CCSER1: variants seen among roughly 807,000 people sequenced by gnomAD.
CCSER1 encodes the protein coiled-coil serine rich protein 1.
In CCSER1, 41 loss-of-function variants were observed where a neutral mutation model predicts 82.0. That is an observed-to-expected ratio of 0.50 (90% CI 0.39 to 0.65). CCSER1 has a LOEUF of 0.65. Ranked by LOEUF, CCSER1 falls within the 30% of genes least tolerant of loss-of-function variation. The probability of loss-of-function intolerance (pLI) is 0.00; values close to 1 mark genes in which losing one functional copy is unlikely to be tolerated. For missense variants in CCSER1, 1,119 were observed against 1,064.2 expected (o/e 1.05, Z -0.72); for synonymous variants, 414 against 383.9 (o/e 1.08, Z -0.92).
chr4:91,194,241 G>A (rs1258906056), intron 10 of CCSER1, among the ~76,000 whole-genome samples: 1 of 152,084 alleles, frequency 6.6e-6, no homozygotes, highest in Non-Finnish European at 1.5e-5. Context: ...GAGTGCATGA[G>A]CCACTGCACC....
At chr4:90,228,177 C>G (rs1560833590) in intron 1 of CCSER1, among the ~76,000 whole-genome samples, 1 of 152,012 alleles carries the variant, frequency 6.6e-6, no homozygotes, top group East Asian at 1.9e-4. Flanking sequence ...GCAGGGCACA[C>G]ACAAACAAAA....
At chr4:90,997,389 C>A in intron 9 of CCSER1, among the ~76,000 whole-genome samples, 1 of 152,136 alleles carries the variant, frequency 6.6e-6, no homozygotes, top group East Asian at 1.9e-4. Flanking sequence ...TATAAGTATT[C>A]TTGTGAACAC....
intron 10 of CCSER1, among the ~76,000 whole-genome samples, chr4:91,159,390 T>C: frequency 6.6e-6 from 1 of 151,988 alleles, no homozygotes; most frequent in East Asian, 1.9e-4. Flanking sequence ...TCCTATATTC[T>C]TGTCATAGTG....
intron 9 of CCSER1, among the ~76,000 whole-genome samples, chr4:90,990,935 C>T (rs1263561592): frequency 6.6e-6 from 1 of 151,914 alleles, no homozygotes; most frequent in Non-Finnish European, 1.5e-5. Context: ...AACTACCTAT[C>T]CTCTAATTCA....
At chr4:90,879,280 T>C (rs1720837599) in intron 8 of CCSER1, among the ~76,000 whole-genome samples, 1 of 152,162 alleles carries the variant, frequency 6.6e-6, no homozygotes, top group Non-Finnish European at 1.5e-5. Context: ...GGTTCCTTTT[T>C]ATACTGGCTA....
At chr4:91,029,011 A>G (rs1413233883) in intron 9 of CCSER1, among the ~76,000 whole-genome samples, 2 of 152,072 alleles carry the variant, frequency 1.3e-5, no homozygotes, top group Non-Finnish European at 2.9e-5. Context: ...CAGTAATTCC[A>G]CCATTAATTT....
chr4:90,233,807 G>A (rs1016317652), intron 1 of CCSER1, among the ~76,000 whole-genome samples: 1 of 150,644 alleles, frequency 6.6e-6, no homozygotes, highest in African/African-American at 2.4e-5. Flanking sequence ...TTTTTATTTT[G>A]TTCTATTAAT....
chr4:90,775,255 G>C (rs1752746283), intron 7 of CCSER1, among the ~76,000 whole-genome samples: 1 of 152,134 alleles, frequency 6.6e-6, no homozygotes, highest in Non-Finnish European at 1.5e-5. Flanking sequence ...GAGGGCTGGA[G>C]TATCTTCTTA....
intron 7 of CCSER1, among the ~76,000 whole-genome samples, chr4:90,729,875 C>CA (rs1308233603): frequency 6.6e-6 from 1 of 151,800 alleles, no homozygotes; most frequent in Non-Finnish European, 1.5e-5. Flanking sequence ...GACTCCATCT[C>CA]AAAAAATAAA....
chr4:91,016,716 T>C (rs563749491), intron 9 of CCSER1, among the ~76,000 whole-genome samples: 78 of 152,272 alleles, frequency 5.1e-4, no homozygotes, highest in Middle Eastern at 3.4e-3. Context: ...ACATAAAATG[T>C]ACTGTCCTAT....
intron 6 of CCSER1, among the ~76,000 whole-genome samples, chr4:90,637,015 A>G (rs1485826729): frequency 6.6e-6 from 1 of 152,212 alleles, no homozygotes; most frequent in Non-Finnish European, 1.5e-5. Context: ...AAAATTATAT[A>G]TTGCTGTGTA....
At chr4:90,458,644 C>T (rs1762490219) in intron 4 of CCSER1, among the ~76,000 whole-genome samples, 2 of 152,318 alleles carry the variant, frequency 1.3e-5, no homozygotes, top group South Asian at 4.1e-4. Flanking sequence ...CGTGAGCCAC[C>T]ATGCCTGGCC....
rs72876104 is a variant in CCSER1 at position 90,149,040 on chromosome 4, C to T, written c.-42+21209C>T. On this transcript the variant is annotated intron_variant, in intron 1 of 10. Coordinates refer to ENST00000509176, the MANE Select transcript of CCSER1 (RefSeq NM_001145065.2). ...CAGTGTTTCTTATGACATCTATTTCCGAAATCCCATGATGTTTGTAATTGC... is the reference window on the plus strand; with the variant it reads ...CAGTGTTTCTTATGACATCTATTTCTGAAATCCCATGATGTTTGTAATTGC... 8.1e-3 allele frequency among the ~76,000 whole-genome samples: 1,230 copies of T among 152,198 alleles called. 20 individuals carry two copies. Among genetic ancestry groups the T allele is most frequent in the African/African-American group, 0.028 (1,159 of 41,550 alleles).
chr4:90,974,682 G>A (rs1735445582), intron 9 of CCSER1, among the ~76,000 whole-genome samples: 1 of 151,374 alleles, frequency 6.6e-6, no homozygotes, highest in African/African-American at 2.4e-5. Flanking sequence ...ATAACCATAG[G>A]ATAGTTAAAA....
chr4:91,277,486 GTC>G (rs150034258), intron 10 of CCSER1, among the ~76,000 whole-genome samples: 9,654 of 139,844 alleles, frequency 0.069, 359 homozygotes, highest in East Asian at 0.12. Flanking sequence ...GTCCATAATA[GTC>G]TCTGATTATT....
At chr4:90,606,808 T>G (rs890755493) in intron 5 of CCSER1, among the ~76,000 whole-genome samples, 1 of 152,224 alleles carries the variant, frequency 6.6e-6, no homozygotes, top group African/African-American at 2.4e-5. Context: ...CATCCCAAAC[T>G]ATGAGGGTTT....
chr4:91,334,091 AT>A (rs1008249990), intron 10 of CCSER1, among the ~76,000 whole-genome samples: 2 of 152,146 alleles, frequency 1.3e-5, no homozygotes, highest in Admixed American at 1.3e-4. Context: ...ATTCAGTGTT[AT>A]TTCAAAACAT....
intron 5 of CCSER1, among the ~76,000 whole-genome samples, chr4:90,548,811 A>G (rs1777107710): frequency 6.6e-6 from 1 of 151,900 alleles, no homozygotes; most frequent in Admixed American, 6.6e-5. Context: ...TTCTTTATCA[A>G]TAAGTGATTA....
At chr4:90,328,947 A>ATC (rs1451271848) in intron 3 of CCSER1, among the ~76,000 whole-genome samples, 11 of 152,354 alleles carry the variant, frequency 7.2e-5, no homozygotes, top group Admixed American at 2.0e-4. Flanking sequence ...AATGTACTAA[A>ATC]TTAGTGAACA....
Sources: allele counts gnomAD v4.1 joint callset (sites outside exome capture counted in the v4.1 genomes callset), GRCh38; gene constraint gnomAD v4.1.1; transcripts MANE v1.5; gene names NCBI Gene and HGNC (gene_info 2026-07-23, HGNC 2026-07-21).